ARHGAP19: variants seen among roughly 807,000 people sequenced by gnomAD.
The protein encoded by ARHGAP19 is rho GTPase-activating protein 19.
In ARHGAP19, 48 loss-of-function variants were observed where a neutral mutation model predicts 60.9. That is an observed-to-expected ratio of 0.79 (90% CI 0.62 to 1.00). The LOEUF (loss-of-function observed/expected upper bound fraction) is 1.00, where lower values mean the gene tolerates loss of function less well. ARHGAP19 is among the 50% of genes least tolerant of loss of function. The pLI, the probability that ARHGAP19 is intolerant of heterozygous loss-of-function variation, is 0.00. For missense variants in ARHGAP19, 562 were observed against 597.2 expected (o/e 0.94, Z 0.61); for synonymous variants, 209 against 215.5 (o/e 0.97, Z 0.27).
chr10:97,262,836 TTGGGCACAGTG>T (rs1842849069), intron 4 of ARHGAP19, among the ~76,000 whole-genome samples: 1 of 151,000 alleles, frequency 6.6e-6, no homozygotes, highest in Admixed American at 6.6e-5. Context: ...CTAAAACACG[TTGGGCACAGTG>T]GCTCATGCCT....
chr10:97,264,884 G>A lies in ARHGAP19; in HGVS notation c.345C>T (p.Ser115=). The change falls in exon 3 of 12, where the codon TCC becomes TCT. Residue 115 remains serine, a synonymous_variant. Coordinates refer to ENST00000358531, the MANE Select transcript of ARHGAP19 (RefSeq NM_032900.6). ...GGGCAATGCCTTCCTCCGTCAGTGG[G>A]GACCCAAATATCACTCCTTTTTCTG... ...KRKEKGVIFG[S]PLTEEGIAQI... 1 of 1,613,354 alleles carries A rather than the reference G, an allele frequency of 6.2e-7. No individual in the cohort carries two copies. Among genetic ancestry groups the A allele is most frequent in the Non-Finnish European group, 8.5e-7 (1 of 1,179,466 alleles).
chr10:97,287,397 C>A (rs1843169244), intron 1 of ARHGAP19, among the ~76,000 whole-genome samples: 1 of 152,186 alleles, frequency 6.6e-6, no homozygotes, highest in South Asian at 2.1e-4. Context: ...TCCTCATCAA[C>A]AGGTCAAAAA....
At chr10:97,257,806 T>C (rs926967889) in intron 5 of ARHGAP19, among the ~76,000 whole-genome samples, 10 of 108,678 alleles carry the variant, frequency 9.2e-5, no homozygotes, top group African/African-American at 2.6e-4. Flanking sequence ...TTTCACACAA[T>C]CTCTCTCCTT....
At chr10:97,250,236 A>G (rs1376980563) in intron 6 of ARHGAP19, among the ~76,000 whole-genome samples, 1 of 152,212 alleles carries the variant, frequency 6.6e-6, no homozygotes. Context: ...TAATATGGCA[A>G]TATGATAACA....
In ARHGAP19 at chr10:97,224,704, T is replaced by A. The variant is rs564047199; in HGVS notation, c.*1418A>T. ...CTTCCCCATAGTGGCCTGACTCGGCTCCAACCCACAGGGTGAGAAGGGTTG... is the reference window on the plus strand; with the variant it reads ...CTTCCCCATAGTGGCCTGACTCGGCACCAACCCACAGGGTGAGAAGGGTTG... On this transcript the variant is annotated 3_prime_UTR_variant, in exon 12 of 12. Coordinates refer to ENST00000358531, the MANE Select transcript of ARHGAP19 (RefSeq NM_032900.6). 9.2e-5 allele frequency: 14 copies of A among 152,326 alleles called. No homozygotes were observed. The highest frequency in any genetic ancestry group is 3.4e-4 in the African/African-American group (14 of 41,574). 9.4% of individuals were successfully genotyped at this position (152,326 alleles called of 1,614,324 possible). A position where few individuals can be genotyped will look rare whatever the true frequency, so the allele number is the denominator to read the frequency against.
At chr10:97,263,377 G>A in intron 4 of ARHGAP19, 43 bp downstream of exon 4, 1 of 1,576,708 alleles carries the variant, frequency 6.3e-7, no homozygotes. Flanking sequence ...TTACTAAATT[G>A]AAAGAAATGT....
At chr10:97,233,306 G>A (rs1364667607) in intron 9 of ARHGAP19, among the ~76,000 whole-genome samples, 1 of 151,962 alleles carries the variant, frequency 6.6e-6, no homozygotes. Context: ...AGCCATGATG[G>A]TGCCACTTGT....
At chr10:97,229,694 A>G in intron 10 of ARHGAP19, 70 bp downstream of exon 10, 2 of 1,108,442 alleles carry the variant, frequency 1.8e-6, no homozygotes, top group Non-Finnish European at 2.7e-6. Flanking sequence ...AACAGATGAC[A>G]GTATATCAAT....
At chr10:97,283,211 C>A (rs913481953) in intron 1 of ARHGAP19, among the ~76,000 whole-genome samples, 4 of 152,058 alleles carry the variant, frequency 2.6e-5, no homozygotes, top group African/African-American at 9.7e-5. Context: ...AACATCAGCA[C>A]AAAATAAATA....
intron 1 of ARHGAP19, among the ~76,000 whole-genome samples, chr10:97,283,777 A>G (rs1220559244): frequency 6.7e-6 from 1 of 149,232 alleles, no homozygotes; most frequent in East Asian, 2.0e-4. Context: ...GGAGGAGTAC[A>G]TGAGCCCAAG....
At chr10:97,239,603 T>A (rs949523548) in intron 8 of ARHGAP19, among the ~76,000 whole-genome samples, 1 of 125,058 alleles carries the variant, frequency 8.0e-6, no homozygotes. Context: ...TGTGTGTGTG[T>A]CTAAATGTAG....
chr10:97,264,933 C>G, intron 2 of ARHGAP19, 27 bp from the exon 3 acceptor site: 1 of 1,515,364 alleles, frequency 6.6e-7, no homozygotes, highest in Non-Finnish European at 9.2e-7. Context: ...TATGACAGGG[C>G]TATATTTCAC....
chr10:97,233,265 G>A (rs528864734), intron 9 of ARHGAP19, among the ~76,000 whole-genome samples: 2 of 152,118 alleles, frequency 1.3e-5, no homozygotes, highest in South Asian at 4.2e-4. Flanking sequence ...TAGGAGGATC[G>A]CTGAGCGCCC....
intron 1 of ARHGAP19, among the ~76,000 whole-genome samples, chr10:97,287,544 C>T (rs564741516): frequency 6.6e-6 from 1 of 152,168 alleles, no homozygotes. Context: ...GAGTTTGAGG[C>T]CCACCTGGGC....
intron 1 of ARHGAP19, among the ~76,000 whole-genome samples, chr10:97,271,963 T>C (rs539838219): frequency 6.6e-6 from 1 of 152,070 alleles, no homozygotes; most frequent in South Asian, 2.1e-4. Context: ...TAACTCAACT[T>C]TGTTATGATG....
chr10:97,266,122 A>G lies in ARHGAP19; in HGVS notation c.60T>C (p.Asp20=). ...EVPARESGRS[D]AICSFVICND... Reference sequence around the variant, plus strand: ...TGCAGATCACAAAACTGCAGATGGCATCACTGAAAAACACAGAAGAAAATC... The same window carrying G: ...TGCAGATCACAAAACTGCAGATGGCGTCACTGAAAAACACAGAAGAAAATC... Residue 20 remains aspartate, a synonymous_variant, in exon 2 of 12, where the codon GAT becomes GAC. Transcript: ENST00000358531. 6.2e-7 allele frequency: 1 copy of G among 1,613,596 alleles called. No homozygotes were observed. Among genetic ancestry groups the G allele is most frequent in the Non-Finnish European group, 8.5e-7 (1 of 1,179,706 alleles).
At chr10:97,246,381 A>G in intron 6 of ARHGAP19, 44 bp from the exon 7 acceptor site, 1 of 1,465,898 alleles carries the variant, frequency 6.8e-7, no homozygotes, top group Non-Finnish European at 9.5e-7. Context: ...TGATTAGTAG[A>G]ATATAACATT....
chr10:97,259,518 A>G lies in ARHGAP19; in HGVS notation c.724T>C (p.Leu242=), dbSNP rs778204541. ...AGGAGATCAAGCAATAACTTCAGCA[A>G]ATTACGATTAGGAGGAGGGAGAATG... is the stretch of plus-strand genomic sequence containing the variant. ...FLILPPPNRN[L]LKLLLDLLYQ... is the part of the protein sequence containing the mutation. Residue 242 remains leucine (L), a synonymous_variant, in exon 5 of 12, where the codon TTG becomes CTG. Transcript: ENST00000358531. 11 of 1,614,172 alleles carry G rather than the reference A, an allele frequency of 6.8e-6. No individual in the cohort carries two copies. The highest frequency in any genetic ancestry group is 9.3e-6 in the Non-Finnish European group (11 of 1,180,028).
chr10:97,245,821 A>C (rs1195725605), intron 7 of ARHGAP19, among the ~76,000 whole-genome samples: 2 of 152,174 alleles, frequency 1.3e-5, no homozygotes, highest in Non-Finnish European at 2.9e-5. Flanking sequence ...TTCTATCAGA[A>C]GGACTTTATG....
Sources: allele counts gnomAD v4.1 joint callset (sites outside exome capture counted in the v4.1 genomes callset), GRCh38; gene constraint gnomAD v4.1.1; transcripts MANE v1.5; gene names NCBI Gene and HGNC (gene_info 2026-07-23, HGNC 2026-07-21).